Variants in STX18 observed in about 807,000 individuals in gnomAD.
STX18 encodes syntaxin-18.
A neutral mutation model predicts 50.1 loss-of-function variants in STX18; 40 were observed. The observed-to-expected ratio is 0.80, with a 90% CI of 0.62 to 1.04. The LOEUF is 1.04. Among genes scored for constraint, STX18 ranks in the 50% least tolerant of loss-of-function variants. The pLI is 0.00. For synonymous variants in STX18, 158 were observed against 151.8 expected, an observed-to-expected ratio of 1.04 and a Z score of -0.30; for missense variants, 410 against 415.8, an observed-to-expected ratio of 0.99 and a Z score of 0.12.
chr4:4,460,225 C>T (rs2108820112), intron 2 of STX18, among the ~76,000 whole-genome samples: 1 of 152,252 alleles, frequency 6.6e-6, no homozygotes, highest in Non-Finnish European at 1.5e-5. Context: ...CTGCTGTATC[C>T]CCATCATCAA....
intron 1 of STX18, among the ~76,000 whole-genome samples, chr4:4,510,759 C>T (rs947034500): frequency 6.6e-6 from 1 of 152,150 alleles, no homozygotes; most frequent in Non-Finnish European, 1.5e-5. Context: ...AACCCAAAGG[C>T]CCATCAATGA....
At chr4:4,484,932 G>T (rs1355641823) in intron 1 of STX18, among the ~76,000 whole-genome samples, 1 of 152,248 alleles carries the variant, frequency 6.6e-6, no homozygotes, top group African/African-American at 2.4e-5. Context: ...AAGAGGAAGG[G>T]AGGAGGGAGA....
chr4:4,427,855 A>G (rs778031811), intron 7 of STX18, among the ~76,000 whole-genome samples: 1 of 152,058 alleles, frequency 6.6e-6, no homozygotes, highest in African/African-American at 2.4e-5. Flanking sequence ...CTTCCACCCC[A>G]CCTGAAAAAT....
intron 1 of STX18, among the ~76,000 whole-genome samples, chr4:4,472,241 AC>A (rs1727957171): frequency 1.3e-5 from 2 of 152,220 alleles, no homozygotes; most frequent in Admixed American, 1.3e-4. Context: ...ACTCAAAGAT[AC>A]AGGTACAAAG....
intron 1 of STX18, among the ~76,000 whole-genome samples, chr4:4,518,970 T>C (rs1481924621): frequency 1.3e-5 from 2 of 152,336 alleles, no homozygotes; most frequent in East Asian, 3.9e-4. Flanking sequence ...TGATGTTTTA[T>C]GGTTCTTTTA....
chr4:4,461,398 T>C lies in STX18; in HGVS notation c.237-1911A>G, dbSNP rs75392250. 8.5e-3 allele frequency among the ~76,000 whole-genome samples: 1,296 copies of C among 152,276 alleles called. 11 individuals carry two copies. Among genetic ancestry groups the C allele is most frequent in the Non-Finnish European group, 0.014 (927 of 68,026 alleles). On this transcript the variant is annotated intron_variant, in intron 2 of 10. Transcript: ENST00000306200. ...CATTCAGAGATCTAGCCACAGGCTA[T>C]CTAGGTTACATGCTGTTCTGCTCTA...
chr4:4,506,339 C>T (rs755240312), intron 1 of STX18, among the ~76,000 whole-genome samples: 7 of 152,138 alleles, frequency 4.6e-5, no homozygotes, highest in Non-Finnish European at 8.8e-5. Context: ...CTTCATGTAA[C>T]GGATACTACT....
chr4:4,458,105 T>C (rs964718513), intron 3 of STX18, among the ~76,000 whole-genome samples: 1 of 152,208 alleles, frequency 6.6e-6, no homozygotes, highest in Non-Finnish European at 1.5e-5. Flanking sequence ...AGAGACTGAG[T>C]GCCTACTGCG....
chr4:4,471,856 A>T (rs1727938107), intron 1 of STX18, 150 bp from the exon 2 acceptor site: 4 of 549,286 alleles, frequency 7.3e-6, no homozygotes, highest in Admixed American at 3.8e-5. Flanking sequence ...GTACAGTCAC[A>T]AATTAGTTAC....
chr4:4,542,083 G>T (rs948901409), upstream of STX18: 62 of 1,242,428 alleles, frequency 5.0e-5, 1 homozygote, highest in South Asian at 9.5e-4. Context: ...CGGCAACGGC[G>T]ACGCGAGAAG....
Position 4,464,389 on chromosome 4 carries a change from A to G in STX18, c.237-4902T>C, listed in dbSNP as rs1727520988. 2.0e-5 allele frequency among the ~76,000 whole-genome samples: 3 copies of G among 152,310 alleles called. No individual in the cohort carries two copies. In the South Asian group the frequency reaches 6.2e-4, roughly 32 times the overall value. On this transcript the variant is annotated intron_variant, in intron 2 of 10. Transcript: ENST00000306200. ...AATGGCATTTTCGATGACTTGCATCATTCCTTCATCTGCTCGATAAATATT... is the reference window on the plus strand; with the variant it reads ...AATGGCATTTTCGATGACTTGCATCGTTCCTTCATCTGCTCGATAAATATT...
intron 2 of STX18, chr4:4,461,891 C>T (rs1420306695): frequency 2.2e-5 from 10 of 456,156 alleles, no homozygotes; most frequent in East Asian, 6.9e-5. Context: ...CCTTTCTCTC[C>T]TCTCTTTTAC....
At chr4:4,523,609 C>T (rs960520060) in intron 1 of STX18, among the ~76,000 whole-genome samples, 1 of 152,172 alleles carries the variant, frequency 6.6e-6, no homozygotes, top group East Asian at 1.9e-4. Context: ...CAAGTCCCAG[C>T]TCTTCTCAAA....
rs530776462 is a variant in STX18 at position 4,459,588 on chromosome 4, T to C, written c.237-101A>G. 5 of 823,546 alleles carry C rather than the reference T, an allele frequency of 6.1e-6. No individual in the cohort carries two copies. The South Asian group carries it at 7.6e-5, about 12-fold the overall frequency. 51.0% of individuals were successfully genotyped at this position (823,546 alleles called of 1,614,324 possible). A position where few individuals can be genotyped will look rare whatever the true frequency, so the allele number is the denominator to read the frequency against. ...AAAAGGCCTCCCTGATCAGGTGACA[T>C]TTAAGCTGAGACTTGAAGGGTGAGG... On this transcript the variant is annotated intron_variant, in intron 2 of 10. Transcript: ENST00000306200.
At chr4:4,421,740 T>G (rs1227294816) in intron 9 of STX18, among the ~76,000 whole-genome samples, 2 of 152,230 alleles carry the variant, frequency 1.3e-5, no homozygotes, top group African/African-American at 4.8e-5. Flanking sequence ...TGTATGTGCT[T>G]CGAAATACAT....
Position 4,420,743 on chromosome 4 carries a change from G to C in STX18, c.912+121C>G, listed in dbSNP as rs995517381. The C allele has an allele frequency of 1.1e-6, 1 of 872,814 alleles. No individual in the cohort carries two copies. The highest frequency in any genetic ancestry group is 1.7e-5 in the African/African-American group (1 of 59,894). 54.1% of individuals were successfully genotyped at this position (872,814 alleles called of 1,614,324 possible). A position where few individuals can be genotyped will look rare whatever the true frequency, so the allele number is the denominator to read the frequency against. On this transcript the variant is annotated intron_variant, in intron 10 of 10. Coordinates refer to ENST00000306200, the MANE Select transcript of STX18 (RefSeq NM_016930.4). This position sits in a 1 kb window ranked among gnomAD's most constrained non-coding sequence, Gnocchi z 4.3. ...CAGCTCCGCGGTCACACAATTTTGT[G>C]ATCAGCCCCGTGAGCTCTGCCCAGC...
At chr4:4,437,685 G>A (rs895296793) in intron 6 of STX18, 8 of 935,294 alleles carry the variant, frequency 8.6e-6, no homozygotes, top group Non-Finnish European at 1.0e-5. Context: ...GGACTCCCAG[G>A]TCTCTCCTGG....
intron 7 of STX18, among the ~76,000 whole-genome samples, chr4:4,434,471 T>C (rs1366601507): frequency 6.6e-6 from 1 of 152,232 alleles, no homozygotes; most frequent in Non-Finnish European, 1.5e-5. Flanking sequence ...GTGGCATTTA[T>C]AAAAGACCCA....
rs1291751471 is a variant in STX18, at chr4:4,457,190, C to T, written c.497+1G>A. ...GAAACACCAATGAAAGCAATACTTA[C>T]AATCTTTTCTTATCCACCACTCTTT... On this transcript the variant is annotated splice_donor_variant, in intron 5 of 10. Transcript: ENST00000306200. LOFTEE classifies it high-confidence loss of function. 6.2e-7 allele frequency: 1 copy of T among 1,613,002 alleles called. No individual in the cohort carries two copies. Among genetic ancestry groups the T allele is most frequent in the Non-Finnish European group, 8.5e-7 (1 of 1,179,196 alleles).
Sources: allele counts gnomAD v4.1 joint callset (sites outside exome capture counted in the v4.1 genomes callset), GRCh38; gene constraint gnomAD v4.1.1; non-coding constraint Gnocchi (gnomAD v3.1); transcripts MANE v1.5; gene names NCBI Gene and HGNC (gene_info 2026-07-23, HGNC 2026-07-21).